ASCC1: variants seen among roughly 807,000 people sequenced by gnomAD.
The protein encoded by ASCC1 is activating signal cointegrator 1 complex subunit 1.
Under a neutral mutation model 46.6 loss-of-function variants are expected in ASCC1, and 35 were observed. That is an observed-to-expected ratio of 0.75 (90% CI 0.57 to 0.99). The LOEUF (loss-of-function observed/expected upper bound fraction) is 0.99. ASCC1 is among the 50% of genes least tolerant of loss of function. The pLI is 0.00. For synonymous variants in ASCC1, 143 were observed against 146.6 expected, an observed-to-expected ratio of 0.98 and a Z score of 0.18; for missense variants, 376 against 428.7, an observed-to-expected ratio of 0.88 and a Z score of 1.09.
intron 7 of ASCC1, among the ~76,000 whole-genome samples, chr10:72,140,514 A>C (rs1331096925): frequency 6.6e-6 from 1 of 152,230 alleles, no homozygotes; most frequent in Non-Finnish European, 1.5e-5. Context: ...GTAGTGTTTC[A>C]TAATATCTAT....
At chr10:72,179,402 G>A (rs1852274920) in intron 5 of ASCC1, among the ~76,000 whole-genome samples, 1 of 152,142 alleles carries the variant, frequency 6.6e-6, no homozygotes, top group South Asian at 2.1e-4. Context: ...TGGTATAGTT[G>A]GTTAGCAGTT....
intron 3 of ASCC1, among the ~76,000 whole-genome samples, chr10:72,205,232 G>C (rs1037155725): frequency 1.3e-5 from 2 of 152,160 alleles, no homozygotes; most frequent in African/African-American, 4.8e-5. Flanking sequence ...TAATTTGGGA[G>C]GCAGAGGCGG....
chr10:72,213,181 G>C lies in ASCC1; in HGVS notation c.112+6C>G. ...TCTTATCTGACCAAAGAGCAACTAG[G>C]ATTACCTTGATAGAAGTCCTCTTCA... is the stretch of plus-strand genomic sequence containing the variant. On this transcript the variant is annotated splice_donor_region_variant and intron_variant, in intron 2 of 9. Transcript: ENST00000672957. 6.3e-7 allele frequency: 1 copy of C among 1,588,320 alleles called. No individual in the cohort carries two copies. The highest frequency in any genetic ancestry group is 1.1e-5 in the South Asian group (1 of 90,490).
intron 5 of ASCC1, among the ~76,000 whole-genome samples, chr10:72,165,170 G>A (rs1386736446): frequency 6.6e-6 from 1 of 151,922 alleles, no homozygotes; most frequent in South Asian, 2.1e-4. Context: ...GCTGGAGTAC[G>A]ATGGTGCAAT....
At chr10:72,168,450 C>G (rs1850651806) in intron 5 of ASCC1, among the ~76,000 whole-genome samples, 2 of 152,192 alleles carry the variant, frequency 1.3e-5, no homozygotes, top group African/African-American at 2.4e-5. Flanking sequence ...TGTAGGGACA[C>G]AGGCACTTTC....
At chr10:72,133,272 C>G in intron 7 of ASCC1, 91 bp from the exon 8 acceptor site, 1 of 1,313,506 alleles carries the variant, frequency 7.6e-7, no homozygotes, top group Non-Finnish European at 1.1e-6. Context: ...AGCATGTGCT[C>G]TGTGCTAATC....
At chr10:72,110,256 C>T (rs1258104123) in intron 9 of ASCC1, among the ~76,000 whole-genome samples, 2 of 152,168 alleles carry the variant, frequency 1.3e-5, no homozygotes, top group South Asian at 2.1e-4. Flanking sequence ...GTTTGGTCTC[C>T]GTATTACACA....
At chr10:72,213,412 C>A in intron 1 of ASCC1, 81 bp from the exon 2 acceptor site, 1 of 752,370 alleles carries the variant, frequency 1.3e-6, no homozygotes. Flanking sequence ...TTATGCAGGT[C>A]TGAATTGGGC....
intron 4 of ASCC1, among the ~76,000 whole-genome samples, chr10:72,200,951 GA>G (rs1264219626): frequency 6.6e-6 from 1 of 151,244 alleles, no homozygotes; most frequent in Non-Finnish European, 1.5e-5. Flanking sequence ...TAAAAATTCA[GA>G]AAAAAAAATT....
chr10:72,139,905 T>C (rs2050605344), intron 7 of ASCC1, among the ~76,000 whole-genome samples: 2 of 152,216 alleles, frequency 1.3e-5, no homozygotes, highest in Admixed American at 1.3e-4. Context: ...TCCACTAAGA[T>C]AAAATTTTGT....
At chr10:72,102,227 G>T in intron 9 of ASCC1, 1 of 911,386 alleles carries the variant, frequency 1.1e-6, no homozygotes, top group African/African-American at 1.7e-5. Context: ...TCCAATGGGT[G>T]TATATGAGGC....
chr10:72,105,061 C>T (rs1842192327), intron 9 of ASCC1, among the ~76,000 whole-genome samples: 1 of 152,204 alleles, frequency 6.6e-6, no homozygotes, highest in Non-Finnish European at 1.5e-5. Flanking sequence ...TAATAAAATT[C>T]TCTGCCTTCA....
chr10:72,196,936 C>A lies in ASCC1; in HGVS notation c.364G>T (p.Val122Phe). The change falls in exon 5 of 10, where the codon GTT becomes TTT. Residue 122 changes from valine (V) to phenylalanine (F), a missense_variant. Val to Phe is a conservative substitution (Grantham distance 50, BLOSUM62 -1). Coordinates refer to ENST00000672957, the MANE Select transcript of ASCC1 (RefSeq NM_001198800.3). ...TTTCTTCGAAAAGTGTCCAAAAGAACATCAATCCGTGTTCGGGCTGAAATT... is the reference window on the plus strand; with the variant it reads ...TTTCTTCGAAAAGTGTCCAAAAGAAAATCAATCCGTGTTCGGGCTGAAATT... ...GVISARTRID[V>F]LLDTFRRKQP... is the part of the protein sequence containing the mutation. 6.2e-7 allele frequency: 1 copy of A among 1,613,652 alleles called. No homozygotes were observed. Among genetic ancestry groups the A allele is most frequent in the Non-Finnish European group, 8.5e-7 (1 of 1,180,008 alleles).
intron 9 of ASCC1, among the ~76,000 whole-genome samples, chr10:72,099,317 G>A (rs1458235016): frequency 6.6e-6 from 1 of 152,222 alleles, no homozygotes; most frequent in African/African-American, 2.4e-5. Context: ...AGTTAGCTGG[G>A]ATGTGACTGC....
chr10:72,189,532 G>A (rs1188202862), intron 5 of ASCC1, among the ~76,000 whole-genome samples: 3 of 152,136 alleles, frequency 2.0e-5, no homozygotes. Context: ...TTCGGGTGGG[G>A]TGGCTCACAC....
At chr10:72,168,355 A>G (rs886727596) in intron 5 of ASCC1, among the ~76,000 whole-genome samples, 1 of 152,232 alleles carries the variant, frequency 6.6e-6, no homozygotes, top group South Asian at 2.1e-4. Context: ...TAAAAAATGC[A>G]AATTAAAACT....
intron 5 of ASCC1, among the ~76,000 whole-genome samples, chr10:72,170,189 G>GAGCAGAATATTTGCAT (rs1850887821): frequency 6.6e-6 from 1 of 151,826 alleles, no homozygotes; most frequent in Admixed American, 6.6e-5. Flanking sequence ...TTTTGTTGAG[G>GAGCAGAATATTTGCAT]AGCAGAATAT....
chr10:72,143,452 C>T (rs1185823086), intron 7 of ASCC1, among the ~76,000 whole-genome samples: 2 of 151,712 alleles, frequency 1.3e-5, no homozygotes, highest in Non-Finnish European at 2.9e-5. Context: ...ACCCTCCAGT[C>T]TCAGCCTCTC....
At chr10:72,127,999 A>C in intron 9 of ASCC1, 83 bp downstream of exon 9, 1 of 1,082,328 alleles carries the variant, frequency 9.2e-7, no homozygotes, top group South Asian at 1.3e-5. Flanking sequence ...AAGTATGAAG[A>C]AATATACGGA....
Sources: gnomAD v4.1 joint callset for allele counts (sites outside exome capture counted in the v4.1 genomes callset) on GRCh38, gnomAD v4.1.1 for gene constraint, MANE v1.5 for transcripts, NCBI Gene and HGNC (gene_info 2026-07-23, HGNC 2026-07-21) for gene names.